Variants in HNMT observed in about 807,000 individuals in gnomAD.
HNMT encodes the protein histamine N-methyltransferase.
In HNMT, 30 loss-of-function variants were observed where a neutral mutation model predicts 32.1. The observed-to-expected ratio is 0.93, with a 90% CI of 0.70 to 1.27. The LOEUF is 1.27. Among genes scored for constraint, HNMT ranks in the 50% most tolerant of loss-of-function variants. HNMT has a pLI of 0.00. For missense variants in HNMT, 327 were observed against 346.0 expected (o/e 0.95, Z 0.43); for synonymous variants, 125 against 119.0 (o/e 1.05, Z -0.33).
At chr2:138,000,397 G>A (rs1681129010) in intron 2 of HNMT, among the ~76,000 whole-genome samples, 2 of 152,010 alleles carry the variant, frequency 1.3e-5, no homozygotes, top group Non-Finnish European at 2.9e-5. Flanking sequence ...TGTTTATGAG[G>A]GCAGATATCT....
chr2:138,012,506 G>GT (rs1411451087), intron 5 of HNMT, among the ~76,000 whole-genome samples: 1 of 152,090 alleles, frequency 6.6e-6, no homozygotes, highest in Non-Finnish European at 1.5e-5. Flanking sequence ...AGAGATGAGA[G>GT]TAAAAAATCA....
In HNMT at chr2:137,990,607, T is replaced by C. The variant is rs147485088; in HGVS notation, c.191-10311T>C. 3.9e-5 allele frequency among the ~76,000 whole-genome samples: 6 copies of C among 152,314 alleles called. No homozygotes were observed. The East Asian group carries it at 1.2e-3, about 29-fold the overall frequency. On this transcript the variant is annotated intron_variant, in intron 2 of 5. Coordinates refer to ENST00000280097, the MANE Select transcript of HNMT (RefSeq NM_006895.3). Reference sequence around the variant, plus strand: ...TTTAAAAATACATGTCTGCTATTTCTGAGGGATACTGAAAAGCAAATCATG... The same window carrying C: ...TTTAAAAATACATGTCTGCTATTTCCGAGGGATACTGAAAAGCAAATCATG...
intron 2 of HNMT, among the ~76,000 whole-genome samples, chr2:137,987,303 C>A (rs1680678110): frequency 6.6e-6 from 1 of 152,130 alleles, no homozygotes; most frequent in South Asian, 2.1e-4. Context: ...ATGTATTGCC[C>A]TACTCCCCTT....
chr2:137,990,459 C>T (rs1168377109), intron 2 of HNMT, among the ~76,000 whole-genome samples: 2 of 152,076 alleles, frequency 1.3e-5, no homozygotes, highest in Admixed American at 6.6e-5. Context: ...TATTCTTTTG[C>T]CATTACCAGG....
At chr2:138,000,878 G>A (rs1047079079) in intron 2 of HNMT, 40 bp from the exon 3 acceptor site, 2 of 1,094,356 alleles carry the variant, frequency 1.8e-6, no homozygotes, top group African/African-American at 1.6e-5. Flanking sequence ...ATCATTTCTT[G>A]CTGGAATGAT....
intron 2 of HNMT, among the ~76,000 whole-genome samples, chr2:138,000,486 G>T (rs1681133601): frequency 1.3e-5 from 2 of 151,562 alleles, no homozygotes; most frequent in African/African-American, 4.9e-5. Flanking sequence ...TACTCTTCTG[G>T]CCTAGCCTAC....
chr2:137,969,853 T>C (rs1028285861), intron 1 of HNMT, among the ~76,000 whole-genome samples: 4 of 152,216 alleles, frequency 2.6e-5, no homozygotes, highest in African/African-American at 9.6e-5. Flanking sequence ...GCTTATTATA[T>C]GACTAGACTC....
Position 138,005,597 on chromosome 2 carries a change from T to G in HNMT, c.523+372T>G, listed in dbSNP as rs548981268. Among the ~76,000 whole-genome samples the G allele has an allele frequency of 3.2e-4, 48 of 152,176 alleles. 1 individual carries two copies. In the South Asian group the frequency reaches 9.9e-3, roughly 32 times the overall value. ...AGTGTTTCTTTTCCCTCTATGATGTTTATTAATAAATAAAGGTTAAACTAT... is the reference window on the plus strand; with the variant it reads ...AGTGTTTCTTTTCCCTCTATGATGTGTATTAATAAATAAAGGTTAAACTAT... On this transcript the variant is annotated intron_variant, in intron 5 of 5. Transcript: ENST00000280097.
At chr2:137,968,333 T>C (rs1680022583) in intron 1 of HNMT, among the ~76,000 whole-genome samples, 1 of 152,222 alleles carries the variant, frequency 6.6e-6, no homozygotes, top group South Asian at 2.1e-4. Flanking sequence ...ATCTAACTCA[T>C]AGAGGAATTT....
Position 138,005,351 on chromosome 2 carries a change from A to T in HNMT, c.523+126A>T, listed in dbSNP as rs1681300822. 10 of 638,324 alleles carry T rather than the reference A, an allele frequency of 1.6e-5. No individual in the cohort carries two copies. In the South Asian group the frequency reaches 1.8e-4, roughly 12 times the overall value. 39.5% of individuals were successfully genotyped at this position (638,324 alleles called of 1,614,324 possible). A position where few individuals can be genotyped will look rare whatever the true frequency, so the allele number is the denominator to read the frequency against. Reference sequence around the variant, plus strand: ...GAAATTCTTGCCTTGGCCTCTAATCATAGCCAATTAATTTTCACAGTATTA... The same window carrying T: ...GAAATTCTTGCCTTGGCCTCTAATCTTAGCCAATTAATTTTCACAGTATTA... On this transcript the variant is annotated intron_variant, in intron 5 of 5. Coordinates refer to ENST00000280097, the MANE Select transcript of HNMT (RefSeq NM_006895.3).
chr2:138,006,839 C>T lies in HNMT; in HGVS notation c.523+1614C>T, dbSNP rs138286883. On this transcript the variant is annotated intron_variant, in intron 5 of 5. Coordinates refer to ENST00000280097, the MANE Select transcript of HNMT (RefSeq NM_006895.3). ...ATTACATCTTTTCATATATGTGGCTCATAAGTACCATCTGTAAATAAGCAT... is the reference window on the plus strand; with the variant it reads ...ATTACATCTTTTCATATATGTGGCTTATAAGTACCATCTGTAAATAAGCAT... Among the ~76,000 whole-genome samples the T allele has an allele frequency of 6.8e-3, 1,031 of 151,718 alleles. 17 individuals carry two copies. The highest frequency in any genetic ancestry group is 0.023 in the African/African-American group (967 of 41,406).
chr2:137,991,252 C>T (rs1680807238), intron 2 of HNMT, among the ~76,000 whole-genome samples: 1 of 152,162 alleles, frequency 6.6e-6, no homozygotes, highest in African/African-American at 2.4e-5. Context: ...TTCTCTTGGG[C>T]CTTTTATGAA....
At chr2:137,968,459 G>T (rs1273363160) in intron 1 of HNMT, among the ~76,000 whole-genome samples, 1 of 152,142 alleles carries the variant, frequency 6.6e-6, no homozygotes, top group Non-Finnish European at 1.5e-5. Flanking sequence ...AGATTTGCAT[G>T]AATTAAATCA....
At chr2:138,007,171 G>T (rs1015550955) in intron 5 of HNMT, among the ~76,000 whole-genome samples, 3 of 151,852 alleles carry the variant, frequency 2.0e-5, no homozygotes, top group Non-Finnish European at 4.4e-5. Context: ...CACAGCTATA[G>T]CCATCTATTT....
chr2:137,968,240 A>C, intron 1 of HNMT, among the ~76,000 whole-genome samples: 1 of 152,352 alleles, frequency 6.6e-6, no homozygotes, highest in South Asian at 2.1e-4. Context: ...CATATAAAAC[A>C]TTTAAATCCT....
intron 5 of HNMT, 70 bp from the exon 6 acceptor site, chr2:138,013,705 G>A: frequency 7.9e-6 from 9 of 1,135,148 alleles, no homozygotes; most frequent in Non-Finnish European, 1.2e-5. Context: ...TAAGCATCTA[G>A]TGTACTTTCT....
intron 1 of HNMT, 91 bp downstream of exon 1, chr2:137,964,719 G>A: frequency 1.5e-6 from 2 of 1,347,596 alleles, no homozygotes; most frequent in Non-Finnish European, 2.1e-6. Flanking sequence ...CGCAGGCTGG[G>A]CACAGGGATA....
intron 2 of HNMT, among the ~76,000 whole-genome samples, 188 bp from the exon 3 acceptor site, chr2:138,000,727 CCTT>C (rs1304714571): frequency 2.6e-5 from 4 of 152,188 alleles, no homozygotes; most frequent in Admixed American, 6.6e-5. Flanking sequence ...TCACAGCCCT[CCTT>C]GAGTCACATT....
intron 2 of HNMT, among the ~76,000 whole-genome samples, chr2:137,980,123 C>T (rs1229945340): frequency 6.6e-6 from 1 of 151,922 alleles, no homozygotes; most frequent in Non-Finnish European, 1.5e-5. Flanking sequence ...GCAAGCTCCA[C>T]CACCCAGGTT....
Sources: gnomAD v4.1 joint callset for allele counts (sites outside exome capture counted in the v4.1 genomes callset) on GRCh38, gnomAD v4.1.1 for gene constraint, MANE v1.5 for transcripts, NCBI Gene and HGNC (gene_info 2026-07-23, HGNC 2026-07-21) for gene names.